DCHS2: variants seen among roughly 807,000 people sequenced by gnomAD.
DCHS2 encodes dachsous cadherin-related 2.
In DCHS2, 142 loss-of-function variants were observed where a neutral mutation model predicts 182.4. The observed-to-expected ratio is 0.78, with a 90% CI of 0.68 to 0.89. The LOEUF (loss-of-function observed/expected upper bound fraction) is 0.89. Ranked by LOEUF, DCHS2 falls within the 40% of genes least tolerant of loss-of-function variation. The pLI is 0.00. For missense variants in DCHS2, 4,319 were observed against 4,198.6 expected (o/e 1.03, Z -0.79); for synonymous variants, 1,740 against 1,663.3 (o/e 1.05, Z -1.12).
intron 1 of DCHS2, among the ~76,000 whole-genome samples, chr4:154,489,077 A>T (rs1286542898): frequency 6.6e-6 from 1 of 151,854 alleles, no homozygotes; most frequent in East Asian, 2.0e-4. Context: ...TCAAGATCTA[A>T]AAGTCAAGTT....
At position 154,489,291 on chromosome 4, in the gene DCHS2, C is replaced by A. The variant is rs1250239364; in HGVS notation, c.2052+13G>T. On this transcript the variant is annotated intron_variant, in intron 1 of 19. Transcript: ENST00000357232. The stretch of plus-strand genomic sequence containing the variant: ...CAAGCCTTCAGGTTGGCCCACAGGC[C>A]TGATGCACTCACCTGCAGAAAGCAG... 22 of 1,498,820 alleles carry A rather than the reference C, an allele frequency of 1.5e-5. No homozygotes were observed. The highest frequency in any genetic ancestry group is 1.9e-5 in the Non-Finnish European group (21 of 1,115,750). The allele number at this position is 1,498,820 out of a possible 1,614,324, so 92.8% of individuals were successfully genotyped here.
chr4:154,373,952 CA>C, intron 2 of DCHS2: 1 of 1,582,756 alleles, frequency 6.3e-7, no homozygotes, highest in Non-Finnish European at 8.6e-7. Flanking sequence ...ATTCTCTGCT[CA>C]TCCTGAAAAC....
chr4:154,437,671 G>T (rs549278694), intron 1 of DCHS2, among the ~76,000 whole-genome samples: 1 of 151,932 alleles, frequency 6.6e-6, no homozygotes, highest in African/African-American at 2.4e-5. Context: ...TAACATATTC[G>T]TTGAATCTGG....
chr4:154,279,340 T>C (rs1324686828), intron 13 of DCHS2, among the ~76,000 whole-genome samples: 1 of 152,004 alleles, frequency 6.6e-6, no homozygotes, highest in African/African-American at 2.4e-5. Context: ...AAGATCCAGC[T>C]ATATGCTGTC....
At position 154,321,054 on chromosome 4, in the gene DCHS2, C is replaced by A. The variant is rs1736042996; in HGVS notation, c.4345G>T (p.Asp1449Tyr). ...LHFSIVADDK[D>Y]GHFEIDSSTG... ...GAGCTGTCTATTTCAAAGTGTCCAT[C>A]CTTATCATCTGCAACAATACTAAAA... The change falls in exon 9 of 20, where the codon GAT (aspartate) becomes TAT (tyrosine). Residue 1449 changes from aspartate (D) to tyrosine (Y), a missense_variant. Coordinates refer to ENST00000357232, the MANE Select transcript of DCHS2 (RefSeq NM_001358235.2). 6.2e-7 allele frequency: 1 copy of A among 1,611,958 alleles called. No individual in the cohort carries two copies. The highest frequency in any genetic ancestry group is 2.2e-5 in the East Asian group (1 of 44,828).
intron 1 of DCHS2, among the ~76,000 whole-genome samples, chr4:154,465,023 A>G (rs1168772110): frequency 6.6e-6 from 1 of 152,242 alleles, no homozygotes. Flanking sequence ...AAAAGAGATC[A>G]TCATCTGCAT....
At position 154,491,604 on chromosome 4, in the gene DCHS2, G is replaced by A. The variant is rs530176642; in HGVS notation, c.-249C>T. 42 of 1,329,080 alleles carry A rather than the reference G, an allele frequency of 3.2e-5. No homozygotes were observed. The South Asian group carries it at 8.4e-4, about 27-fold the overall frequency. 82.3% of individuals were successfully genotyped at this position (1,329,080 alleles called of 1,614,324 possible). A position where few individuals can be genotyped will look rare whatever the true frequency, so the allele number is the denominator to read the frequency against. Reference sequence around the variant, plus strand: ...CGCGGCAGCCACCTCTTCTGCCCCTGGATTTCTTTAAACGAATCTCATCTC... The same window carrying A: ...CGCGGCAGCCACCTCTTCTGCCCCTAGATTTCTTTAAACGAATCTCATCTC... On this transcript the variant is annotated 5_prime_UTR_variant, in exon 1 of 20. Coordinates refer to ENST00000357232, the MANE Select transcript of DCHS2 (RefSeq NM_001358235.2).
In DCHS2 at chr4:154,298,586, C is replaced by A; in HGVS notation, c.5728G>T (p.Asp1910Tyr). Residue 1910 changes from aspartate to tyrosine, a missense_variant, in exon 13 of 20, where the codon GAT becomes TAT. Coordinates refer to ENST00000357232, the MANE Select transcript of DCHS2 (RefSeq NM_001358235.2). ...TLVILCSDLG[D>Y]PPRSSVIHLQ... ...TGTATTACAGAGCTCCTAGGTGGAT[C>A]TCCCAGGTCAGAGCACAGAATGACA... The A allele has an allele frequency of 6.2e-7, 1 of 1,614,140 alleles. No homozygotes were observed. The highest frequency in any genetic ancestry group is 8.5e-7 in the Non-Finnish European group (1 of 1,179,994).
intron 1 of DCHS2, among the ~76,000 whole-genome samples, chr4:154,467,165 G>A (rs1372928590): frequency 6.6e-6 from 1 of 152,136 alleles, no homozygotes; most frequent in African/African-American, 2.4e-5. Context: ...CAAAATGTGT[G>A]CAAGGCTATA....
chr4:154,367,404 G>C (rs1730434181), intron 2 of DCHS2, among the ~76,000 whole-genome samples: 2 of 152,128 alleles, frequency 1.3e-5, no homozygotes, highest in African/African-American at 2.4e-5. Context: ...CAGATCCTGG[G>C]GGCCAGATTT....
In DCHS2 at chr4:154,259,568, G is replaced by A. The variant is rs2111169930; in HGVS notation, c.6766C>T (p.Leu2256Phe). ...IYQASVSESQ[L>F]YNAHVIQVFA... ...ACCTGTATGACATGAGCATTGTAGA[G>A]TTGGCTTTCAGACACTGATGCCTGG... Residue 2256 changes from leucine (L) to phenylalanine (F), a missense_variant, in exon 15 of 20, where the codon CTC (leucine) becomes TTC (phenylalanine). Coordinates refer to ENST00000357232, the MANE Select transcript of DCHS2 (RefSeq NM_001358235.2). The A allele has an allele frequency of 6.2e-7, 1 of 1,613,780 alleles. No individual in the cohort carries two copies. Among genetic ancestry groups the A allele is most frequent in the East Asian group, 2.2e-5 (1 of 44,832 alleles).
intron 14 of DCHS2, chr4:154,262,253 T>G (rs891286598): frequency 1.3e-5 from 2 of 152,166 alleles, no homozygotes; most frequent in Non-Finnish European, 2.9e-5. Flanking sequence ...ATGGTTTTTA[T>G]TTTTGGGGTA....
chr4:154,328,869 T>A (rs1348284252), intron 6 of DCHS2, among the ~76,000 whole-genome samples: 1 of 152,218 alleles, frequency 6.6e-6, no homozygotes, highest in Non-Finnish European at 1.5e-5. Flanking sequence ...AATTTGAATG[T>A]CTAATTCAAT....
intron 16 of DCHS2, among the ~76,000 whole-genome samples, chr4:154,247,557 G>A (rs572212191): frequency 4.7e-5 from 7 of 149,466 alleles, no homozygotes; most frequent in South Asian, 2.1e-4. Context: ...CAGGAAAGTC[G>A]CTTGAACCTG....
chr4:154,386,056 CCA>C (rs1167006704), intron 1 of DCHS2, among the ~76,000 whole-genome samples: 1 of 152,140 alleles, frequency 6.6e-6, no homozygotes, highest in East Asian at 1.9e-4. Context: ...CCACTCCACC[CCA>C]CAGTCTGCTA....
intron 1 of DCHS2, among the ~76,000 whole-genome samples, chr4:154,441,826 A>C (rs183818004): frequency 6.6e-6 from 1 of 152,106 alleles, no homozygotes; most frequent in Non-Finnish European, 1.5e-5. Context: ...TACACATATG[A>C]CCAATAAGCT....
intron 1 of DCHS2, among the ~76,000 whole-genome samples, chr4:154,476,040 A>G (rs1340047700): frequency 6.6e-6 from 1 of 152,220 alleles, no homozygotes; most frequent in Non-Finnish European, 1.5e-5. Flanking sequence ...TTCTCCAAAA[A>G]CAAGAGGAAA....
At chr4:154,427,777 A>G (rs1035035817) in intron 1 of DCHS2, among the ~76,000 whole-genome samples, 1 of 152,106 alleles carries the variant, frequency 6.6e-6, no homozygotes, top group South Asian at 2.1e-4. Flanking sequence ...TCCTTCTACC[A>G]CCTCCCGTCA....
intron 1 of DCHS2, among the ~76,000 whole-genome samples, chr4:154,425,745 A>G (rs1266685328): frequency 2.6e-5 from 4 of 152,204 alleles, no homozygotes; most frequent in Non-Finnish European, 5.9e-5. Context: ...TTTTAAACAG[A>G]GCTTTTTAAA....
Sources: allele counts gnomAD v4.1 joint callset (sites outside exome capture counted in the v4.1 genomes callset), GRCh38; gene constraint gnomAD v4.1.1; transcripts MANE v1.5; gene names NCBI Gene and HGNC (gene_info 2026-07-23, HGNC 2026-07-21).